The following FMN1 variants were observed in gnomAD, a reference collection of about 807,000 sequenced individuals.
FMN1 encodes formin-1.
In FMN1, 110 loss-of-function variants were observed where a neutral mutation model predicts 132.4. The observed-to-expected ratio is 0.83, with a 90% CI of 0.71 to 0.97. The LOEUF (loss-of-function observed/expected upper bound fraction) is 0.97, where lower values mean the gene tolerates loss of function less well. Ranked by LOEUF, FMN1 falls within the 50% of genes least tolerant of loss-of-function variation. The pLI is 0.00. For synonymous variants in FMN1, 722 were observed against 651.7 expected (o/e 1.11, Z -1.64); for missense variants, 1,792 against 1,705.3 (o/e 1.05, Z -0.90).
chr15:32,993,400 T>C (rs868178632), intron 7 of FMN1, among the ~76,000 whole-genome samples: 2 of 152,316 alleles, frequency 1.3e-5, no homozygotes, highest in South Asian at 2.1e-4. Flanking sequence ...ATGCCATATA[T>C]AGTTTTAAAA....
intron 3 of FMN1, among the ~76,000 whole-genome samples, chr15:33,167,270 G>C (rs7177308): frequency 5.3e-4 from 80 of 152,262 alleles, no homozygotes; most frequent in Middle Eastern, 6.8e-3. Flanking sequence ...CATGAGATCT[G>C]ATGGTTTTAT....
In FMN1 at chr15:33,181,680, T is replaced by C. The variant is rs151177037; in HGVS notation, c.-196-1418A>G. Among the ~76,000 whole-genome samples the C allele has an allele frequency of 1.9e-3, 296 of 152,008 alleles. 2 individuals are homozygous for C. Among genetic ancestry groups the C allele is most frequent in the African/African-American group, 6.7e-3 (277 of 41,458 alleles). ...GCATTGCGGAGAGACAAGATCTGATTATATTCTTTTCTTTTCTTTTTTCTT... is the reference window on the plus strand; with the variant it reads ...GCATTGCGGAGAGACAAGATCTGATCATATTCTTTTCTTTTCTTTTTTCTT... On this transcript the variant is annotated intron_variant, in intron 2 of 20. Transcript: ENST00000616417.
intron 3 of FMN1, among the ~76,000 whole-genome samples, chr15:33,170,522 C>T (rs1339695306): frequency 6.7e-6 from 1 of 148,454 alleles, no homozygotes; most frequent in African/African-American, 2.5e-5. Context: ...AACAAACATA[C>T]AGAATATACA....
intron 5 of FMN1, among the ~76,000 whole-genome samples, chr15:33,076,839 C>G (rs2038232220): frequency 6.6e-6 from 1 of 152,162 alleles, no homozygotes; most frequent in Non-Finnish European, 1.5e-5. Context: ...GCTGGTTACT[C>G]AGAACCAAAT....
At chr15:33,009,896 TG>T (rs1422840250) in intron 6 of FMN1, among the ~76,000 whole-genome samples, 1 of 149,840 alleles carries the variant, frequency 6.7e-6, no homozygotes, top group Non-Finnish European at 1.5e-5. Context: ...TTTTTTTGTT[TG>T]TTTTTTTTGA....
At chr15:33,051,418 A>T (rs543648140) in intron 6 of FMN1, among the ~76,000 whole-genome samples, 67 of 152,282 alleles carry the variant, frequency 4.4e-4, no homozygotes, top group Admixed American at 8.5e-4. Flanking sequence ...CTAGTCAGAC[A>T]TGAGCAGGGC....
intron 15 of FMN1, among the ~76,000 whole-genome samples, chr15:32,896,698 A>G (rs1051478168): frequency 3.3e-5 from 5 of 152,160 alleles, no homozygotes; most frequent in African/African-American, 1.2e-4. Flanking sequence ...TTGACTTAGC[A>G]TAATACCTTC....
At chr15:32,797,744 GAGAAAAT>G (rs1270937953) in intron 19 of FMN1, among the ~76,000 whole-genome samples, 1 of 152,040 alleles carries the variant, frequency 6.6e-6, no homozygotes, top group African/African-American at 2.4e-5. Flanking sequence ...TTAGCTCCCT[GAGAAAAT>G]ACTTAGAGAC....
At position 33,119,183 on chromosome 15, in the gene FMN1, T is replaced by C. The variant is rs973854571; in HGVS notation, c.1868-30209A>G. On this transcript the variant is annotated intron_variant, in intron 4 of 20. Coordinates refer to ENST00000616417, the MANE Select transcript of FMN1 (RefSeq NM_001277313.2). ...GATGATCTAGTTAGATTCATCTCTA[T>C]GTTCAATGAACACCCTTCTCTCTCC... Among the ~76,000 whole-genome samples the C allele has an allele frequency of 5.9e-5, 9 of 152,220 alleles. No individual in the cohort carries two copies. The East Asian group carries it at 1.7e-3, about 29-fold the overall frequency.
intron 17 of FMN1, among the ~76,000 whole-genome samples, chr15:32,847,818 G>A (rs1567265054): frequency 6.6e-6 from 1 of 152,142 alleles, no homozygotes; most frequent in Non-Finnish European, 1.5e-5. Flanking sequence ...TCGCGCCACT[G>A]CACTCCAGCC....
intron 7 of FMN1, among the ~76,000 whole-genome samples, chr15:32,974,523 C>T (rs1359129193): frequency 6.6e-6 from 1 of 152,138 alleles, no homozygotes; most frequent in Non-Finnish European, 1.5e-5. Flanking sequence ...ACAATTTTTA[C>T]CTTTCTAATA....
intron 15 of FMN1, among the ~76,000 whole-genome samples, chr15:32,895,505 T>C (rs1393231263): frequency 6.6e-6 from 1 of 152,140 alleles, no homozygotes; most frequent in Non-Finnish European, 1.5e-5. Context: ...TTTTAAAGTG[T>C]GCCCTTTATA....
chr15:32,775,489 A>G (rs1005776309), intron 20 of FMN1, among the ~76,000 whole-genome samples: 2 of 152,196 alleles, frequency 1.3e-5, no homozygotes, highest in Non-Finnish European at 2.9e-5. Flanking sequence ...AGGCCCAAAT[A>G]AAAGGTCTGA....
At chr15:32,980,356 A>C (rs1487173020) in intron 7 of FMN1, among the ~76,000 whole-genome samples, 1 of 151,466 alleles carries the variant, frequency 6.6e-6, no homozygotes, top group East Asian at 1.9e-4. Context: ...ACTTGGCTTT[A>C]GCTCTGCATA....
intron 4 of FMN1, chr15:33,150,992 G>T: frequency 9.0e-7 from 1 of 1,106,206 alleles, no homozygotes; most frequent in Non-Finnish European, 1.1e-6. Context: ...AAAGACAAAG[G>T]TAGCTGGAAG....
chr15:32,816,711 T>C (rs1015780763), intron 17 of FMN1, among the ~76,000 whole-genome samples: 1 of 151,544 alleles, frequency 6.6e-6, no homozygotes, highest in African/African-American at 2.4e-5. Context: ...AAAACTGTCA[T>C]ATTACTACAG....
At chr15:32,968,001 G>C (rs1384097551) in intron 8 of FMN1, among the ~76,000 whole-genome samples, 1 of 152,222 alleles carries the variant, frequency 6.6e-6, no homozygotes, top group Admixed American at 6.5e-5. Context: ...ACTCAAATCT[G>C]TTTGAATGGA....
At chr15:32,885,280 A>T (rs73370833) in intron 16 of FMN1, among the ~76,000 whole-genome samples, 1,793 of 152,250 alleles carry the variant, frequency 0.012, 35 homozygotes, top group African/African-American at 0.041. Context: ...TGGTTTTGGG[A>T]GTGTGTGCAC....
rs540568054 is a variant in FMN1 at position 33,171,394 on chromosome 15, C to T, written c.-132+8804G>A. ...TCCCAGCATGTAGAAATGGTAATTG[C>T]TCAAGGAGACAGCTGTCATAAATAT... On this transcript the variant is annotated intron_variant, in intron 3 of 20. Coordinates refer to ENST00000616417, the MANE Select transcript of FMN1 (RefSeq NM_001277313.2). Among the ~76,000 whole-genome samples, 8 of 152,240 alleles carry T rather than the reference C, an allele frequency of 5.3e-5. No homozygotes were observed. In the East Asian group the frequency reaches 7.7e-4, roughly 15 times the overall value.
Sources: allele counts gnomAD v4.1 joint callset (sites outside exome capture counted in the v4.1 genomes callset), GRCh38; gene constraint gnomAD v4.1.1; transcripts MANE v1.5; gene names NCBI Gene and HGNC (gene_info 2026-07-23, HGNC 2026-07-21).